The following KHDRBS2 variants were observed in gnomAD, a reference collection of about 807,000 sequenced individuals.
The protein encoded by KHDRBS2 is KH domain-containing, RNA-binding, signal transduction-associated protein 2.
Under a neutral mutation model 44.3 loss-of-function variants are expected in KHDRBS2, and 26 were observed. The ratio of observed to expected loss-of-function variants is 0.59; its 90% CI spans 0.43 to 0.81. The LOEUF (loss-of-function observed/expected upper bound fraction) is 0.81, where lower values mean the gene tolerates loss of function less well. Among genes scored for constraint, KHDRBS2 ranks in the 40% least tolerant of loss-of-function variants. The probability of loss-of-function intolerance (pLI) is 0.00; values close to 1 mark genes in which losing one functional copy is unlikely to be tolerated. For missense variants in KHDRBS2, 476 were observed against 433.1 expected (o/e 1.10, Z -0.88); for synonymous variants, 194 against 151.1 (o/e 1.28, Z -2.08).
chr6:61,675,382 T>C (rs1190830627), downstream of KHDRBS2, among the ~76,000 whole-genome samples: 1 of 151,762 alleles, frequency 6.6e-6, no homozygotes, highest in Non-Finnish European at 1.5e-5. Flanking sequence ...TTAAGCTAAA[T>C]GGTCACAGTT....
chr6:61,887,518 T>G, intron 6 of KHDRBS2, among the ~76,000 whole-genome samples: 1 of 152,214 alleles, frequency 6.6e-6, no homozygotes, highest in Non-Finnish European at 1.5e-5. Context: ...AAGACTCAGC[T>G]AACACTAATG....
At chr6:62,227,893 A>G (rs1230149434) in intron 1 of KHDRBS2, among the ~76,000 whole-genome samples, 2 of 152,174 alleles carry the variant, frequency 1.3e-5, no homozygotes, top group Non-Finnish European at 2.9e-5. Flanking sequence ...AGGGTGGACA[A>G]GCTTTTGATG....
rs373420821 is a variant in KHDRBS2 at position 62,183,495 on chromosome 6, G to T, written c.92-6183C>A. Among the ~76,000 whole-genome samples, 9 of 151,480 alleles carry T rather than the reference G, an allele frequency of 5.9e-5. No individual in the cohort carries two copies. In the East Asian group the frequency reaches 1.2e-3, roughly 20 times the overall value. ...TTCTTTATAGAGGGTGAATTACATG[G>T]TCTTCCAGATATTTATATTCCTAAA... On this transcript the variant is annotated intron_variant, in intron 1 of 8. Transcript: ENST00000281156.
At chr6:61,588,989 C>G in the KHDRBS2 span, among the ~76,000 whole-genome samples, 3 of 152,070 alleles carry the variant, frequency 2.0e-5, no homozygotes, top group African/African-American at 7.2e-5. Flanking sequence ...GCTGCATGTT[C>G]TCACTCATAA....
At chr6:61,670,031 A>T in the KHDRBS2 span, among the ~76,000 whole-genome samples, 1 of 151,352 alleles carries the variant, frequency 6.6e-6, no homozygotes, top group African/African-American at 2.4e-5. Flanking sequence ...AAAGAAAGAC[A>T]AAGAAATAGA....
intron 2 of KHDRBS2, among the ~76,000 whole-genome samples, chr6:62,066,548 C>T (rs754769884): frequency 6.6e-5 from 10 of 151,644 alleles, no homozygotes; most frequent in Admixed American, 2.0e-4. Flanking sequence ...TTAAATGTCA[C>T]ATAAGTCTCT....
chr6:61,993,019 G>T (rs1776427482), intron 3 of KHDRBS2, among the ~76,000 whole-genome samples: 1 of 152,134 alleles, frequency 6.6e-6, no homozygotes, highest in Non-Finnish European at 1.5e-5. Context: ...TTGCTTACCA[G>T]GAAACTGATA....
the KHDRBS2 span, among the ~76,000 whole-genome samples, chr6:61,661,876 T>A: frequency 2.0e-5 from 3 of 152,156 alleles, no homozygotes; most frequent in African/African-American, 4.8e-5. Flanking sequence ...ATGACTTTAT[T>A]CACAGAATTG....
the KHDRBS2 span, among the ~76,000 whole-genome samples, chr6:61,583,862 T>C: frequency 2.6e-5 from 4 of 151,218 alleles, no homozygotes; most frequent in African/African-American, 7.3e-5. Flanking sequence ...ATCTCTCATT[T>C]AGTCCTTTTT....
chr6:62,226,145 T>C (rs534546076), intron 1 of KHDRBS2, among the ~76,000 whole-genome samples: 2 of 152,288 alleles, frequency 1.3e-5, no homozygotes, highest in South Asian at 2.1e-4. Context: ...CTAATTTACA[T>C]TCCCATCAAT....
At chr6:61,876,355 G>C (rs1267842694) in intron 6 of KHDRBS2, among the ~76,000 whole-genome samples, 1 of 152,028 alleles carries the variant, frequency 6.6e-6, no homozygotes, top group Non-Finnish European at 1.5e-5. Flanking sequence ...TAGTGCACTT[G>C]TGTGAATATT....
the KHDRBS2 span, among the ~76,000 whole-genome samples, chr6:61,625,567 G>A: frequency 1.3e-5 from 2 of 151,968 alleles, no homozygotes; most frequent in Middle Eastern, 3.4e-3. Context: ...GAGCGACTAG[G>A]GCCAGGCAAT....
chr6:61,906,898 T>TC (rs1805135694), intron 4 of KHDRBS2, among the ~76,000 whole-genome samples: 1 of 152,114 alleles, frequency 6.6e-6, no homozygotes, highest in Non-Finnish European at 1.5e-5. Context: ...GTTTGCTTTT[T>TC]TTTTTTTCTT....
At chr6:61,784,589 A>C (rs922503843) in intron 6 of KHDRBS2, among the ~76,000 whole-genome samples, 5 of 152,120 alleles carry the variant, frequency 3.3e-5, no homozygotes, top group Non-Finnish European at 4.4e-5. Context: ...TATTTGATAC[A>C]ATTAAATGTA....
At chr6:61,777,413 C>T (rs1782247070) in intron 6 of KHDRBS2, among the ~76,000 whole-genome samples, 1 of 152,068 alleles carries the variant, frequency 6.6e-6, no homozygotes, top group Non-Finnish European at 1.5e-5. Context: ...GTTGTCAACT[C>T]ATTGATGAAG....
intron 6 of KHDRBS2, among the ~76,000 whole-genome samples, chr6:61,746,656 G>A (rs1395143967): frequency 6.6e-6 from 1 of 151,996 alleles, no homozygotes; most frequent in Non-Finnish European, 1.5e-5. Context: ...ATATTCCTTT[G>A]GGTATATACC....
At chr6:61,897,843 C>T (rs1235033284) in intron 5 of KHDRBS2, among the ~76,000 whole-genome samples, 1 of 152,080 alleles carries the variant, frequency 6.6e-6, no homozygotes, top group Admixed American at 6.6e-5. Flanking sequence ...TCTATGTATT[C>T]GTTCTCAACG....
At chr6:62,132,526 C>T (rs2150091138) in intron 2 of KHDRBS2, among the ~76,000 whole-genome samples, 1 of 152,292 alleles carries the variant, frequency 6.6e-6, no homozygotes, top group South Asian at 2.1e-4. Context: ...AAAATCATTC[C>T]TTTAATGGAT....
chr6:62,029,192 A>T (rs1345633977), intron 3 of KHDRBS2, among the ~76,000 whole-genome samples: 1 of 152,040 alleles, frequency 6.6e-6, no homozygotes, highest in Non-Finnish European at 1.5e-5. Context: ...ATATACTTTA[A>T]CAATGTTAAA....
Sources: allele counts gnomAD v4.1 joint callset (sites outside exome capture counted in the v4.1 genomes callset), GRCh38; gene constraint gnomAD v4.1.1; transcripts MANE v1.5; gene names NCBI Gene and HGNC (gene_info 2026-07-23, HGNC 2026-07-21).